The following KCNB2 variants were observed in gnomAD, a reference collection of about 807,000 sequenced individuals.
KCNB2 encodes the protein potassium voltage-gated channel subfamily B member 2.
KCNB2 carries 15 observed loss-of-function variants against 61.5 expected under a neutral mutation model. The ratio of observed to expected loss-of-function variants is 0.24; its 90% confidence interval spans 0.16 to 0.38. The LOEUF (loss-of-function observed/expected upper bound fraction) is 0.38. Ranked by LOEUF, KCNB2 falls within the 10% of genes least tolerant of loss-of-function variation. The pLI is 1.00. For missense variants in KCNB2, 828 were observed against 1,125.2 expected, an observed-to-expected ratio of 0.74 and a Z score of 3.78; for synonymous variants, 457 against 446.0, an observed-to-expected ratio of 1.02 and a Z score of -0.31.
chr8:72,622,889 C>A (rs560908317), intron 2 of KCNB2, among the ~76,000 whole-genome samples: 1 of 152,300 alleles, frequency 6.6e-6, no homozygotes, highest in East Asian at 1.9e-4. Context: ...GACACCAGCA[C>A]TTCTGTTTGG....
Position 72,937,779 on chromosome 8 carries a change from T to C in KCNB2, c.2424T>C (p.Asp808=), listed in dbSNP as rs1241495761. The C allele has an allele frequency of 5.0e-6, 8 of 1,613,760 alleles. No homozygotes were observed. Among genetic ancestry groups the C allele is most frequent in the African/African-American group, 2.7e-5 (2 of 74,856 alleles). The change falls in exon 3 of 3, where the codon GAT becomes GAC. Residue 808 remains aspartate (D), a synonymous_variant. Coordinates refer to ENST00000523207, the MANE Select transcript of KCNB2 (RefSeq NM_004770.3). ...SRERRSFTEI[D]TGDDEDFLEL... is the part of the protein sequence containing the mutation. ...AGAGGAGGAGCTTCACTGAAATAGATACTGGTGACGACGAAGACTTCTTAG... is the reference window on the plus strand; with the variant it reads ...AGAGGAGGAGCTTCACTGAAATAGACACTGGTGACGACGAAGACTTCTTAG...
At chr8:72,758,103 G>A (rs867969496) in intron 2 of KCNB2, among the ~76,000 whole-genome samples, 7 of 152,162 alleles carry the variant, frequency 4.6e-5, no homozygotes, top group East Asian at 1.9e-4. Flanking sequence ...TTTCTGCTCC[G>A]AACAAGGCAG....
intron 2 of KCNB2, among the ~76,000 whole-genome samples, chr8:72,637,646 A>G (rs1019040933): frequency 6.6e-6 from 1 of 152,114 alleles, no homozygotes; most frequent in Non-Finnish European, 1.5e-5. Flanking sequence ...TTAAAAGCTA[A>G]TTCTTGGAAT....
intron 2 of KCNB2, among the ~76,000 whole-genome samples, chr8:72,809,870 A>T (rs964799997): frequency 1.3e-5 from 2 of 152,146 alleles, no homozygotes; most frequent in Admixed American, 1.3e-4. Context: ...GCCTTTTCTT[A>T]TTAGCCTTTG....
At chr8:72,662,472 G>A (rs540174958) in intron 2 of KCNB2, among the ~76,000 whole-genome samples, 3 of 152,260 alleles carry the variant, frequency 2.0e-5, no homozygotes, top group African/African-American at 7.2e-5. Flanking sequence ...TATGAACTGA[G>A]GCTACTGGAG....
At chr8:72,715,470 C>T (rs1262637068) in intron 2 of KCNB2, among the ~76,000 whole-genome samples, 1 of 152,120 alleles carries the variant, frequency 6.6e-6, no homozygotes, top group Non-Finnish European at 1.5e-5. Flanking sequence ...TCTCTCAGAC[C>T]ACAGTGCAAT....
intron 2 of KCNB2, among the ~76,000 whole-genome samples, chr8:72,773,411 C>T (rs1215402792): frequency 2.6e-5 from 4 of 152,118 alleles, no homozygotes; most frequent in African/African-American, 9.7e-5. Flanking sequence ...ACATGCAATC[C>T]CATAGAAAGC....
intron 2 of KCNB2, among the ~76,000 whole-genome samples, chr8:72,632,003 G>A (rs1805889261): frequency 6.6e-6 from 1 of 152,134 alleles, no homozygotes; most frequent in Admixed American, 6.6e-5. Flanking sequence ...TGGGGAGGCT[G>A]AGGCAGGAGG....
At chr8:72,549,118 C>T (rs566906378) in intron 1 of KCNB2, among the ~76,000 whole-genome samples, 2 of 152,332 alleles carry the variant, frequency 1.3e-5, no homozygotes, top group East Asian at 1.9e-4. Context: ...AACATTCTGG[C>T]TCTTTGCAAT....
chr8:72,783,740 G>C (rs763462633), intron 2 of KCNB2, among the ~76,000 whole-genome samples: 11 of 152,048 alleles, frequency 7.2e-5, no homozygotes, highest in Admixed American at 2.0e-4. Flanking sequence ...TGTTTCCTGC[G>C]TACACCAGGC....
At chr8:72,885,704 C>G (rs537053684) in intron 2 of KCNB2, among the ~76,000 whole-genome samples, 2 of 152,072 alleles carry the variant, frequency 1.3e-5, no homozygotes, top group Non-Finnish European at 2.9e-5. Flanking sequence ...TCTCTTCCCT[C>G]CCTCTTTCTC....
At chr8:72,681,453 C>T (rs904146143) in intron 2 of KCNB2, among the ~76,000 whole-genome samples, 1 of 152,124 alleles carries the variant, frequency 6.6e-6, no homozygotes, top group Non-Finnish European at 1.5e-5. Flanking sequence ...TCCATCTTCA[C>T]ATCTTGTCCT....
intron 1 of KCNB2, among the ~76,000 whole-genome samples, chr8:72,539,230 A>T (rs1189836774): frequency 6.6e-6 from 1 of 152,196 alleles, no homozygotes; most frequent in African/African-American, 2.4e-5. Context: ...GTGTATGCGC[A>T]TTTAATTGCC....
Position 72,766,071 on chromosome 8 carries a change from G to A in KCNB2, c.580-169864G>A, listed in dbSNP as rs187663529. Among the ~76,000 whole-genome samples the A allele has an allele frequency of 2.1e-3, 319 of 152,246 alleles. 2 individuals are homozygous for A. Among genetic ancestry groups the A allele is most frequent in the African/African-American group, 7.2e-3 (299 of 41,524 alleles). On this transcript the variant is annotated intron_variant, in intron 2 of 2. Coordinates refer to ENST00000523207, the MANE Select transcript of KCNB2 (RefSeq NM_004770.3). ...TGGATGCTTGTGCACAATGAGAGGG[G>A]TCTATCTCAGATCTATGAATCTGAG...
intron 2 of KCNB2, among the ~76,000 whole-genome samples, chr8:72,586,234 G>A (rs184677088): frequency 5.9e-5 from 9 of 152,252 alleles, no homozygotes; most frequent in East Asian, 3.9e-4. Flanking sequence ...ACCCATTACC[G>A]TGTGTCAACT....
rs549162110 is a variant in KCNB2, at chr8:72,544,410, C to CT, written c.-94+6528dup. 9.4e-4 allele frequency among the ~76,000 whole-genome samples: 143 copies of CT among 152,258 alleles called. 1 individual carries two copies. The highest frequency in any genetic ancestry group is 1.7e-3 in the Non-Finnish European group (117 of 67,994). Reference sequence around the variant, plus strand: ...AATTTTTAAAAAGTGGTGTAATCCACTTTATTTTTGGCAACAATCTCTGAG... The same window carrying CT: ...AATTTTTAAAAAGTGGTGTAATCCACTTTTATTTTTGGCAACAATCTCTGAG... On this transcript the variant is annotated intron_variant, in intron 1 of 2. Coordinates refer to ENST00000523207, the MANE Select transcript of KCNB2 (RefSeq NM_004770.3).
intron 2 of KCNB2, among the ~76,000 whole-genome samples, chr8:72,609,852 T>C (rs1005405505): frequency 6.6e-6 from 1 of 152,184 alleles, no homozygotes; most frequent in Non-Finnish European, 1.5e-5. Context: ...ACATCTTCAG[T>C]GCTGCCACAC....
At chr8:72,776,806 A>T (rs1468396459) in intron 2 of KCNB2, among the ~76,000 whole-genome samples, 2 of 152,168 alleles carry the variant, frequency 1.3e-5, no homozygotes, top group African/African-American at 4.8e-5. Flanking sequence ...TCCGGAGCAA[A>T]GGTCTTTAGG....
chr8:72,931,838 C>T (rs542320980), intron 2 of KCNB2, among the ~76,000 whole-genome samples: 18 of 152,204 alleles, frequency 1.2e-4, no homozygotes, highest in South Asian at 6.2e-4. Flanking sequence ...CGTGGTGAAA[C>T]GCTGTCGCTA....
Sources: gnomAD v4.1 joint callset for allele counts (sites outside exome capture counted in the v4.1 genomes callset) on GRCh38, gnomAD v4.1.1 for gene constraint, MANE v1.5 for transcripts, NCBI Gene and HGNC (gene_info 2026-07-23, HGNC 2026-07-21) for gene names.